ADGRV1: variants seen among roughly 807,000 people sequenced by gnomAD.
ADGRV1 encodes adhesion G protein-coupled receptor V1, also known as G-protein coupled receptor 98.
Under a neutral mutation model 596.2 loss-of-function variants are expected in ADGRV1, and 359 were observed. That is an observed-to-expected ratio of 0.60 (90% CI 0.55 to 0.66). ADGRV1 has a LOEUF of 0.66. Among genes scored for constraint, ADGRV1 ranks in the 30% least tolerant of loss-of-function variants. The pLI, the probability that ADGRV1 is intolerant of heterozygous loss-of-function variation, is 0.00. For missense variants in ADGRV1, 7,274 were observed against 7,575.6 expected (o/e 0.96, Z 1.48); for synonymous variants, 2,681 against 2,679.2 (o/e 1.00, Z -0.02).
In ADGRV1 at chr5:90,823,742, C is replaced by G; in HGVS notation, c.16368+146C>G. ...AGCCATAATGTCTAAATCTCTTTGC[C>G]GACAACAGGCTTTAGACAGACTTGA... is the stretch of plus-strand genomic sequence containing the variant. On this transcript the variant is annotated intron_variant, in intron 76 of 89. Coordinates refer to ENST00000405460, the MANE Select transcript of ADGRV1 (RefSeq NM_032119.4). 2 of 654,314 alleles carry G rather than the reference C, an allele frequency of 3.1e-6. 1 individual carries two copies. The highest frequency in any genetic ancestry group is 4.4e-5 in the South Asian group (2 of 45,708). The allele number at this position is 654,314 out of a possible 1,614,324, so 40.5% of individuals were successfully genotyped here.
rs768961429 is a variant in ADGRV1, at chr5:90,756,974, T to C, written c.11758-5T>C. Reference sequence around the variant, plus strand: ...TTGCCTTTCAATTATATTCTTTACTTAAAGGGCGCTGGGGAAGTTATTACT... The same window carrying C: ...TTGCCTTTCAATTATATTCTTTACTCAAAGGGCGCTGGGGAAGTTATTACT... On this transcript the variant is annotated splice_region_variant and splice_polypyrimidine_tract_variant and intron_variant, in intron 56 of 89. Transcript: ENST00000405460. 6.3e-7 allele frequency: 1 copy of C among 1,577,928 alleles called. No individual in the cohort carries two copies. The highest frequency in any genetic ancestry group is 8.6e-7 in the Non-Finnish European group (1 of 1,163,518).
At chr5:90,821,210 G>A (rs1188475334) in intron 75 of ADGRV1, among the ~76,000 whole-genome samples, 15 of 149,738 alleles carry the variant, frequency 1.0e-4, no homozygotes, top group Admixed American at 9.3e-4. Flanking sequence ...GATCGCATCG[G>A]CTCCTGAGGC....
intron 20 of ADGRV1, among the ~76,000 whole-genome samples, chr5:90,657,475 T>C (rs1298527896): frequency 2.0e-5 from 3 of 151,988 alleles, no homozygotes; most frequent in Non-Finnish European, 4.4e-5. Context: ...TAATTAAAAA[T>C]TGTGATGAAT....
chr5:90,993,619 T>C (rs1258849038), intron 85 of ADGRV1, among the ~76,000 whole-genome samples: 2 of 152,236 alleles, frequency 1.3e-5, no homozygotes, highest in Non-Finnish European at 2.9e-5. Context: ...TTCAATTCTC[T>C]TGAGTATATG....
intron 88 of ADGRV1, among the ~76,000 whole-genome samples, chr5:91,152,270 A>G (rs1796125019): frequency 6.6e-6 from 1 of 152,240 alleles, no homozygotes; most frequent in South Asian, 2.1e-4. Context: ...GGATGTAAAT[A>G]CATTTAATCA....
At chr5:90,733,023 G>T (rs976124348) in intron 50 of ADGRV1, among the ~76,000 whole-genome samples, 1 of 152,204 alleles carries the variant, frequency 6.6e-6, no homozygotes, top group African/African-American at 2.4e-5. Flanking sequence ...TAGCTTTGGT[G>T]TATAGAATAT....
chr5:90,896,095 T>G (rs575124911), intron 83 of ADGRV1, among the ~76,000 whole-genome samples: 1 of 152,108 alleles, frequency 6.6e-6, no homozygotes, highest in South Asian at 2.1e-4. Flanking sequence ...AATTGTTGGA[T>G]TGTGTCATTG....
chr5:90,654,276 A>G, intron 20 of ADGRV1: 1 of 330,356 alleles, frequency 3.0e-6, no homozygotes, highest in East Asian at 7.4e-5. Flanking sequence ...GGGTAGTAGG[A>G]GAGATGGGGA....
At chr5:91,114,536 G>A (rs1328767749) in intron 87 of ADGRV1, among the ~76,000 whole-genome samples, 1 of 152,088 alleles carries the variant, frequency 6.6e-6, no homozygotes, top group Non-Finnish European at 1.5e-5. Flanking sequence ...AGAAAGAAAG[G>A]GAAGGAGGGA....
intron 21 of ADGRV1, among the ~76,000 whole-genome samples, chr5:90,670,531 G>A (rs1772306259): frequency 1.3e-5 from 2 of 152,052 alleles, no homozygotes; most frequent in African/African-American, 2.4e-5. Context: ...GAGTATGAGG[G>A]GGTGTTTCCC....
At chr5:90,909,838 T>A (rs768529134) in intron 83 of ADGRV1, among the ~76,000 whole-genome samples, 10 of 152,174 alleles carry the variant, frequency 6.6e-5, no homozygotes, top group Non-Finnish European at 1.2e-4. Context: ...AAAAAGTTTT[T>A]TTCTAAGAAA....
At chr5:90,627,998 TTTC>T (rs1430188384) in intron 7 of ADGRV1, 1 of 348,006 alleles carries the variant, frequency 2.9e-6, no homozygotes, top group Non-Finnish European at 5.1e-6. Flanking sequence ...GCTTCACTGT[TTTC>T]TTTCTTATTT....
rs1247341196 is a variant in ADGRV1 at position 90,685,950 on chromosome 5, G to C, written c.6445G>C (p.Asp2149His). ...NVTRTGGAFADVSVKFKAVPI... is the reference protein window; with the variant it reads ...NVTRTGGAFAHVSVKFKAVPI... ...GACTAGAACAGGAGGAGCATTTGCA[G>C]ATGTCTCTGTGAAGTTTAAAGCTGT... Residue 2149 changes from aspartate (D) to histidine (H), a missense_variant, in exon 29 of 90, where the codon GAT becomes CAT. Physicochemically the swap from Asp to His is moderately conservative, Grantham distance 81. This residue lies in a region of ADGRV1 where 3,643 missense variants were observed against 3,809.2 expected (regional missense o/e 0.96). Transcript: ENST00000405460. The C allele has an allele frequency of 1.9e-6, 3 of 1,605,112 alleles. No individual in the cohort carries two copies. The highest frequency in any genetic ancestry group is 2.6e-6 in the Non-Finnish European group (3 of 1,174,594).
intron 1 of ADGRV1, among the ~76,000 whole-genome samples, chr5:90,562,610 G>C (rs1580271359): frequency 6.6e-6 from 1 of 152,164 alleles, no homozygotes; most frequent in Non-Finnish European, 1.5e-5. Context: ...GCAGTCACGC[G>C]TAAGTCTGGC....
chr5:90,948,126 C>T (rs1409075618), intron 83 of ADGRV1, among the ~76,000 whole-genome samples: 1 of 152,070 alleles, frequency 6.6e-6, no homozygotes, highest in Non-Finnish European at 1.5e-5. Flanking sequence ...GATTTTAAAG[C>T]TATCACTAAT....
At position 91,031,053 on chromosome 5, in the gene ADGRV1, A is replaced by G. The variant is rs556265059; in HGVS notation, c.18153-41394A>G. 1,290 of 1,505,394 alleles carry G rather than the reference A, an allele frequency of 8.6e-4. 3 individuals carry two copies. Among genetic ancestry groups the G allele is most frequent in the Middle Eastern group, 1.3e-3 (7 of 5,408 alleles). The allele number at this position is 1,505,394 out of a possible 1,614,324, so 93.3% of individuals were successfully genotyped here. ...TGACAAATGCCTGGTGGCGATTGCA[A>G]ATAACTGCCAATCATATAGGGATGA... On this transcript the variant is annotated intron_variant, in intron 85 of 89. Coordinates refer to ENST00000405460, the MANE Select transcript of ADGRV1 (RefSeq NM_032119.4).
At chr5:90,742,785 T>C (rs956935129) in intron 50 of ADGRV1, among the ~76,000 whole-genome samples, 11 of 152,184 alleles carry the variant, frequency 7.2e-5, no homozygotes, top group Admixed American at 3.9e-4. Context: ...GTAGATTGAT[T>C]CAGATGATGT....
chr5:90,972,948 C>A (rs946678282), intron 84 of ADGRV1, among the ~76,000 whole-genome samples: 4 of 151,984 alleles, frequency 2.6e-5, no homozygotes, highest in Non-Finnish European at 4.4e-5. Flanking sequence ...AACTGATAGA[C>A]CACTAGCAAG....
chr5:90,753,718 A>G lies in ADGRV1; in HGVS notation c.11266A>G (p.Ile3756Val), dbSNP rs369990572. ...TGAGGACTCATACAAAGGTGCTACT[A>G]TTGATCAGGACAGAAGCAAGTCTGT... ...GVEDSYKGATIDQDRSKSVIT... is the reference protein window; with the variant it reads ...GVEDSYKGATVDQDRSKSVIT... Residue 3756 changes from isoleucine to valine, a missense_variant, in exon 54 of 90, where the codon ATT (isoleucine) becomes GTT (valine). This residue lies in a region of ADGRV1 where 3,643 missense variants were observed against 3,809.2 expected (regional missense o/e 0.96). Coordinates refer to ENST00000405460, the MANE Select transcript of ADGRV1 (RefSeq NM_032119.4). The G allele has an allele frequency of 4.7e-5, 76 of 1,613,540 alleles. No individual in the cohort carries two copies. Among genetic ancestry groups the G allele is most frequent in the Admixed American group, 1.8e-4 (11 of 59,934 alleles).
Sources: allele counts gnomAD v4.1 joint callset (sites outside exome capture counted in the v4.1 genomes callset), GRCh38; gene constraint gnomAD v4.1.1; regional missense constraint gnomAD v4.1.1; transcripts MANE v1.5; gene names NCBI Gene and HGNC (gene_info 2026-07-23, HGNC 2026-07-21).